RANBP17: variants seen among roughly 807,000 people sequenced by gnomAD.
RANBP17 encodes the protein ran-binding protein 17.
RANBP17 carries 158 observed loss-of-function variants against 141.2 expected under a neutral mutation model. The ratio of observed to expected loss-of-function variants is 1.12; its 90% CI spans 0.98 to 1.28. RANBP17 has a LOEUF of 1.28. RANBP17 is among the 50% of genes most tolerant of loss of function. The pLI, the probability that RANBP17 is intolerant of heterozygous loss-of-function variation, is 0.00. For missense variants in RANBP17, 1,438 were observed against 1,290.7 expected, an observed-to-expected ratio of 1.11 and a Z score of -1.75; for synonymous variants, 430 against 450.0, an observed-to-expected ratio of 0.96 and a Z score of 0.56.
rs540908391 is a variant in RANBP17 at position 171,033,729 on chromosome 5, T to A, written c.1710+65352T>A. Among the ~76,000 whole-genome samples, 55 of 152,222 alleles carry A rather than the reference T, an allele frequency of 3.6e-4. 1 individual carries two copies. The South Asian group carries it at 0.011, about 30-fold the overall frequency. On this transcript the variant is annotated intron_variant, in intron 14 of 27. Coordinates refer to ENST00000523189, the MANE Select transcript of RANBP17 (RefSeq NM_022897.5). Reference sequence around the variant, plus strand: ...TTAAATTGTGCATATGTTCATTCACTCTCTGTTGAGTCTTGTTTATGAGTT... The same window carrying A: ...TTAAATTGTGCATATGTTCATTCACACTCTGTTGAGTCTTGTTTATGAGTT...
rs190940543 is a variant in RANBP17 at position 171,159,528 on chromosome 5, T to C, written c.1711-10602T>C. 3.5e-4 allele frequency among the ~76,000 whole-genome samples: 53 copies of C among 152,314 alleles called. No individual in the cohort carries two copies. The East Asian group carries it at 9.1e-3, about 26-fold the overall frequency. On this transcript the variant is annotated intron_variant, in intron 14 of 27. Coordinates refer to ENST00000523189, the MANE Select transcript of RANBP17 (RefSeq NM_022897.5). The stretch of plus-strand genomic sequence containing the variant: ...AGGTAGCCCCTTTCTGTTCCCACTG[T>C]GAGAGAATGCCCCTTGGGAGCCCAT...
intron 13 of RANBP17, 67 bp downstream of exon 13, chr5:170,953,769 G>C: frequency 1.0e-6 from 1 of 995,140 alleles, no homozygotes. Flanking sequence ...TATTGAACTA[G>C]TATTATGAGT....
chr5:171,286,168 G>A (rs1440940500), intron 25 of RANBP17, among the ~76,000 whole-genome samples: 1 of 152,240 alleles, frequency 6.6e-6, no homozygotes, highest in East Asian at 1.9e-4. Flanking sequence ...GGATGGCAGA[G>A]TGGGGGATGC....
At chr5:171,183,667 T>A (rs1761025867) in intron 18 of RANBP17, among the ~76,000 whole-genome samples, 1 of 152,252 alleles carries the variant, frequency 6.6e-6, no homozygotes, top group Admixed American at 6.5e-5. Flanking sequence ...ATTTTTTACC[T>A]CACAGCTTAC....
intron 14 of RANBP17, among the ~76,000 whole-genome samples, chr5:171,098,635 A>T (rs1786888616): frequency 6.6e-6 from 1 of 152,060 alleles, no homozygotes; most frequent in Admixed American, 6.5e-5. Flanking sequence ...GAAGCTCTTT[A>T]GTTTAATTAA....
At chr5:171,012,660 G>T (rs1780136748) in intron 14 of RANBP17, among the ~76,000 whole-genome samples, 1 of 152,132 alleles carries the variant, frequency 6.6e-6, no homozygotes, top group Admixed American at 6.6e-5. Flanking sequence ...TACCCAAAGA[G>T]AAAGTAATAA....
intron 12 of RANBP17, among the ~76,000 whole-genome samples, chr5:170,932,384 T>C (rs867260545): frequency 6.6e-6 from 1 of 152,210 alleles, no homozygotes; most frequent in Admixed American, 6.5e-5. Flanking sequence ...CTTTTCCTAA[T>C]TGAATACCCT....
chr5:171,233,286 T>TCTTA (rs1412230121), intron 22 of RANBP17, among the ~76,000 whole-genome samples: 1 of 152,166 alleles, frequency 6.6e-6, no homozygotes, highest in African/African-American at 2.4e-5. Context: ...CAACAGAAAC[T>TCTTA]CTTAATTCAC....
chr5:171,161,551 G>A (rs1463647649), intron 14 of RANBP17: 1 of 181,232 alleles, frequency 5.5e-6, no homozygotes, highest in Non-Finnish European at 1.2e-5. Flanking sequence ...TAGTAAAACA[G>A]GCATATGCAT....
chr5:171,017,765 C>T (rs1738670088), intron 14 of RANBP17, among the ~76,000 whole-genome samples: 1 of 152,074 alleles, frequency 6.6e-6, no homozygotes, highest in African/African-American at 2.4e-5. Flanking sequence ...TAATTAGATC[C>T]CATTTGTCAA....
intron 14 of RANBP17, among the ~76,000 whole-genome samples, chr5:171,091,454 C>T (rs1339020193): frequency 1.3e-5 from 2 of 152,176 alleles, no homozygotes; most frequent in Non-Finnish European, 2.9e-5. Flanking sequence ...GTCTTGTCTC[C>T]TCTTGGATGA....
At chr5:171,009,490 CTT>C (rs1392165640) in intron 14 of RANBP17, among the ~76,000 whole-genome samples, 6 of 152,004 alleles carry the variant, frequency 3.9e-5, no homozygotes, top group Admixed American at 1.3e-4. Context: ...ATTTTGTACA[CTT>C]TTGTGAGGTT....
At chr5:171,102,945 G>A (rs1787276796) in intron 14 of RANBP17, among the ~76,000 whole-genome samples, 1 of 152,168 alleles carries the variant, frequency 6.6e-6, no homozygotes, top group African/African-American at 2.4e-5. Context: ...CAACAGCAAA[G>A]ATTGCTGCCT....
At position 170,968,310 on chromosome 5, in the gene RANBP17, C is replaced by T; in HGVS notation, c.1643C>T (p.Ala548Val). Residue 548 changes from alanine to valine, a missense_variant, in exon 14 of 28, where the codon GCA (alanine) becomes GTA (valine). Ala to Val is a moderately conservative substitution (Grantham distance 64). Transcript: ENST00000523189. ...PRCCNEKIEL[A>V]ILWFLDQFRK... ...TGTTGTAATGAGAAAATAGAGCTTG[C>T]AATTCTGTGGTTCTTGGATCAGTTT... 1 of 1,608,548 alleles carries T rather than the reference C, an allele frequency of 6.2e-7. No individual in the cohort carries two copies. The highest frequency in any genetic ancestry group is 8.5e-7 in the Non-Finnish European group (1 of 1,177,282).
chr5:170,936,486 T>A (rs1001890028), intron 12 of RANBP17, among the ~76,000 whole-genome samples: 1 of 152,202 alleles, frequency 6.6e-6, no homozygotes, highest in Non-Finnish European at 1.5e-5. Flanking sequence ...TTGTTCTTTG[T>A]GATTTATGGA....
intron 14 of RANBP17, among the ~76,000 whole-genome samples, chr5:171,141,590 G>A (rs1356091409): frequency 7.8e-6 from 1 of 128,700 alleles, no homozygotes; most frequent in East Asian, 2.5e-4. Context: ...CTGGGATGGA[G>A]TGTAGACTGA....
At position 171,170,129 on chromosome 5, in the gene RANBP17, G is replaced by A; in HGVS notation, c.1711-1G>A. ...TTTAACAATGAAATGTTTTAATGCA[G>A]GTATATGCTCGTATGTCAGAAGTCT... On this transcript the variant is annotated splice_acceptor_variant, in intron 14 of 27. Transcript: ENST00000523189. LOFTEE classifies it high-confidence loss of function. 6.6e-7 allele frequency: 1 copy of A among 1,524,116 alleles called. No homozygotes were observed. Among genetic ancestry groups the A allele is most frequent in the Non-Finnish European group, 8.9e-7 (1 of 1,117,626 alleles). The allele number at this position is 1,524,116 out of a possible 1,614,324, so 94.4% of individuals were successfully genotyped here.
chr5:170,892,846 C>G (rs541946888), intron 4 of RANBP17, among the ~76,000 whole-genome samples: 6 of 152,126 alleles, frequency 3.9e-5, no homozygotes, highest in Admixed American at 3.3e-4. Context: ...GTATATAATG[C>G]TTTTCATAGA....
chr5:170,943,676 T>G (rs1362007759), intron 12 of RANBP17, among the ~76,000 whole-genome samples: 2 of 152,192 alleles, frequency 1.3e-5, no homozygotes, highest in African/African-American at 4.8e-5. Flanking sequence ...GTAGCAGATT[T>G]TTTTCTCTAA....
Sources: allele counts gnomAD v4.1 joint callset (sites outside exome capture counted in the v4.1 genomes callset), GRCh38; gene constraint gnomAD v4.1.1; transcripts MANE v1.5; gene names NCBI Gene and HGNC (gene_info 2026-07-23, HGNC 2026-07-21).